The following PPARD variants were observed in gnomAD, a reference collection of about 807,000 sequenced individuals.
PPARD encodes the protein peroxisome proliferator activated receptor delta.
PPARD carries 6 observed loss-of-function variants against 39.5 expected under a neutral mutation model. That is an observed-to-expected ratio of 0.15 (90% confidence interval 0.08 to 0.30). PPARD has a LOEUF of 0.30. Ranked by LOEUF, PPARD falls within the 10% of genes least tolerant of loss-of-function variation. The pLI, the probability that PPARD is intolerant of heterozygous loss-of-function variation, is 1.00. For missense variants in PPARD, 397 were observed against 596.8 expected (o/e 0.67, Z 3.49); for synonymous variants, 210 against 231.3 (o/e 0.91, Z 0.83).
At chr6:35,418,702 AACAGTTACAACAC>A (rs1765942718) in intron 3 of PPARD, among the ~76,000 whole-genome samples, 1 of 38,918 alleles carries the variant, frequency 2.6e-5, no homozygotes, top group South Asian at 8.2e-4. Context: ...GGTCAAGAGG[AACAGTTACAACAC>A]CTTGGAATGA....
intron 2 of PPARD, chr6:35,397,477 T>G: frequency 1.1e-6 from 1 of 945,266 alleles, no homozygotes; most frequent in Non-Finnish European, 1.3e-6. Context: ...ATGCTCATCT[T>G]GATAAGCTCC....
At chr6:35,388,853 C>A (rs534804782) in intron 2 of PPARD, among the ~76,000 whole-genome samples, 210 of 152,324 alleles carry the variant, frequency 1.4e-3, no homozygotes, top group Non-Finnish European at 2.1e-3. Flanking sequence ...CTGGTCTAAT[C>A]ATTGACTTAT....
At chr6:35,365,593 C>G (rs147215354) in intron 2 of PPARD, among the ~76,000 whole-genome samples, 1 of 150,758 alleles carries the variant, frequency 6.6e-6, no homozygotes, top group African/African-American at 2.5e-5. Context: ...CTGGGTCAAG[C>G]GATTCTCCCG....
chr6:35,404,730 G>C (rs1434656358), intron 2 of PPARD, among the ~76,000 whole-genome samples: 1 of 152,206 alleles, frequency 6.6e-6, no homozygotes, highest in Non-Finnish European at 1.5e-5. Context: ...CTGGGCCCCA[G>C]GTGGCTTAGT....
chr6:35,388,318 A>T (rs1447984069), intron 2 of PPARD, among the ~76,000 whole-genome samples: 1 of 152,160 alleles, frequency 6.6e-6, no homozygotes, highest in South Asian at 2.1e-4. Flanking sequence ...AGAACATGAG[A>T]GGCAGCATCT....
Position 35,380,494 on chromosome 6 carries a change from T to G in PPARD, c.-101-30493T>G, listed in dbSNP as rs1286109828. Among the ~76,000 whole-genome samples, 112 of 131,964 alleles carry G rather than the reference T, an allele frequency of 8.5e-4. 2 individuals carry two copies. In the East Asian group the frequency reaches 0.014, roughly 16 times the overall value. 86.6% of individuals were successfully genotyped at this position (131,964 alleles called of 152,430 possible). On this transcript the variant is annotated intron_variant, in intron 2 of 7. Transcript: ENST00000360694. ...TTTGTTTGTTTTTTTTTTTTTTTTT[T>G]TTTTTTTTTTTTGAGACAAGGTCTT...
At position 35,401,172 on chromosome 6, in the gene PPARD, A is replaced by C. The variant is rs982264490; in HGVS notation, c.-101-9815A>C. Among the ~76,000 whole-genome samples, 5 of 152,150 alleles carry C rather than the reference A, an allele frequency of 3.3e-5. No individual in the cohort carries two copies. Among genetic ancestry groups the C allele is most frequent in the African/African-American group, 1.2e-4 (5 of 41,436 alleles). On this transcript the variant is annotated intron_variant, in intron 2 of 7. Coordinates refer to ENST00000360694, the MANE Select transcript of PPARD (RefSeq NM_006238.5). The surrounding 1 kb of genome is among the most constrained non-coding windows in gnomAD (Gnocchi z 4.1). The stretch of plus-strand genomic sequence containing the variant: ...GTGAGGACACAGGTGGGGCAGCCAG[A>C]GAGGTACTCAGCTCTGAGTCAGGGC...
intron 2 of PPARD, among the ~76,000 whole-genome samples, chr6:35,384,303 G>A (rs1763413086): frequency 7.1e-6 from 1 of 141,328 alleles, no homozygotes; most frequent in South Asian, 2.2e-4. Context: ...CGTCCGGGAG[G>A]GAGGTCGGGG....
rs992181396 is a variant in PPARD at position 35,411,461 on chromosome 6, G to A, written c.130+244G>A. On this transcript the variant is annotated intron_variant, in intron 3 of 7. Transcript: ENST00000360694. ...AACAGGCCAAAGGATGGTAGGTGAT[G>A]TGGATATGGGCTTTCGTGAGAATTA... Among the ~76,000 whole-genome samples the A allele has an allele frequency of 2.6e-5, 4 of 152,246 alleles. No homozygotes were observed. In the South Asian group the frequency reaches 8.3e-4, roughly 31 times the overall value.
At chr6:35,357,026 C>G (rs1761656805) in intron 2 of PPARD, among the ~76,000 whole-genome samples, 1 of 152,216 alleles carries the variant, frequency 6.6e-6, no homozygotes, top group Non-Finnish European at 1.5e-5. Flanking sequence ...TACAGCTCTT[C>G]CCTGGAGCAG....
intron 2 of PPARD, among the ~76,000 whole-genome samples, chr6:35,395,742 T>C (rs1007095352): frequency 6.6e-6 from 1 of 152,172 alleles, no homozygotes; most frequent in Non-Finnish European, 1.5e-5. Context: ...TCAGGAATAG[T>C]AGCGAGAGGC....
At chr6:35,353,592 C>T (rs773017806) in intron 2 of PPARD, among the ~76,000 whole-genome samples, 3 of 152,314 alleles carry the variant, frequency 2.0e-5, no homozygotes, top group Admixed American at 1.3e-4. Flanking sequence ...TTTAACACCA[C>T]TAACCATGTT....
At chr6:35,386,752 G>A (rs1485328921) in intron 2 of PPARD, among the ~76,000 whole-genome samples, 1 of 152,090 alleles carries the variant, frequency 6.6e-6, no homozygotes, top group Non-Finnish European at 1.5e-5. Context: ...CTCTATAGAT[G>A]TGAGAGACAG....
intron 2 of PPARD, among the ~76,000 whole-genome samples, chr6:35,350,283 G>A (rs1761157808): frequency 6.6e-6 from 1 of 152,074 alleles, no homozygotes; most frequent in African/African-American, 2.4e-5. Flanking sequence ...GACCATTTTT[G>A]CTTTGGTTGC....
chr6:35,409,606 G>A (rs1765291976), intron 2 of PPARD, among the ~76,000 whole-genome samples: 1 of 152,060 alleles, frequency 6.6e-6, no homozygotes, highest in South Asian at 2.1e-4. Context: ...GGTTTGTTAT[G>A]TGGGTGAACT....
intron 2 of PPARD, among the ~76,000 whole-genome samples, chr6:35,380,629 C>G (rs529114038): frequency 6.6e-6 from 1 of 151,996 alleles, no homozygotes; most frequent in East Asian, 1.9e-4. Flanking sequence ...GTAGCTGGAA[C>G]TACAGGCACA....
chr6:35,415,285 C>G (rs1765681572), intron 3 of PPARD, among the ~76,000 whole-genome samples: 1 of 152,320 alleles, frequency 6.6e-6, no homozygotes, highest in African/African-American at 2.4e-5. Context: ...AACCCAGCCT[C>G]AAATCCCTGC....
chr6:35,359,520 G>A (rs192265055), intron 2 of PPARD, among the ~76,000 whole-genome samples: 80 of 152,228 alleles, frequency 5.3e-4, no homozygotes, highest in African/African-American at 1.7e-3. Context: ...GTTCTGGGTG[G>A]TTTCTGAGAG....
At chr6:35,354,337 C>G (rs1343456233) in intron 2 of PPARD, among the ~76,000 whole-genome samples, 6 of 141,032 alleles carry the variant, frequency 4.3e-5, no homozygotes, top group South Asian at 2.4e-4. Context: ...GCGTCTCACT[C>G]TTGCCCAGGC....
Sources: allele counts gnomAD v4.1 joint callset (sites outside exome capture counted in the v4.1 genomes callset), GRCh38; gene constraint gnomAD v4.1.1; non-coding constraint Gnocchi (gnomAD v3.1); transcripts MANE v1.5; gene names NCBI Gene and HGNC (gene_info 2026-07-23, HGNC 2026-07-21).